The following CSTF3 variants were observed in gnomAD, a reference collection of about 807,000 sequenced individuals.
CSTF3 encodes CF-1 77 kDa subunit.
CSTF3 carries 29 observed loss-of-function variants against 105.8 expected under a neutral mutation model. The ratio of observed to expected loss-of-function variants is 0.27; its 90% CI spans 0.20 to 0.37. CSTF3 has a LOEUF of 0.37. Ranked by LOEUF, CSTF3 falls within the 10% of genes least tolerant of loss-of-function variation. The pLI is 1.00. For missense variants in CSTF3, 357 were observed against 879.3 expected (o/e 0.41, Z 7.51); for synonymous variants, 252 against 281.9 (o/e 0.89, Z 1.06).
chr11:33,085,633 GT>G, intron 20 of CSTF3, 79 bp downstream of exon 20: 1 of 1,297,298 alleles, frequency 7.7e-7, no homozygotes, highest in South Asian at 1.2e-5. Flanking sequence ...GAAAACTTCA[GT>G]GGCAGAGAAT....
At chr11:33,089,678 G>A (rs971335782) in intron 17 of CSTF3, among the ~76,000 whole-genome samples, 30 of 152,312 alleles carry the variant, frequency 2.0e-4, no homozygotes, top group African/African-American at 7.0e-4. Context: ...TCAATTATGG[G>A]TAGTTTTTTC....
At chr11:33,089,439 T>C (rs1434919579) in intron 17 of CSTF3, among the ~76,000 whole-genome samples, 1 of 152,216 alleles carries the variant, frequency 6.6e-6, no homozygotes, top group Non-Finnish European at 1.5e-5. Context: ...AAAAAGTTAT[T>C]TGAGGACCCG....
chr11:33,091,643 A>C (rs921597483), intron 16 of CSTF3, among the ~76,000 whole-genome samples: 2 of 152,168 alleles, frequency 1.3e-5, no homozygotes, highest in Non-Finnish European at 2.9e-5. Flanking sequence ...TGAGTAAGGG[A>C]GGTGAAAATT....
chr11:33,139,234 T>C (rs1052450657), intron 3 of CSTF3, among the ~76,000 whole-genome samples: 6 of 151,882 alleles, frequency 4.0e-5, no homozygotes, highest in Non-Finnish European at 2.9e-5. Context: ...TTACTAAAGA[T>C]GTATGTATTT....
chr11:33,125,978 TA>T (rs1366245866), intron 3 of CSTF3, among the ~76,000 whole-genome samples: 2 of 152,206 alleles, frequency 1.3e-5, no homozygotes, highest in African/African-American at 4.8e-5. Flanking sequence ...GTGAGAGAGC[TA>T]ATCTGAGTAA....
At chr11:33,148,384 C>T (rs978707747) in intron 1 of CSTF3, among the ~76,000 whole-genome samples, 5 of 152,176 alleles carry the variant, frequency 3.3e-5, no homozygotes, top group African/African-American at 7.2e-5. Context: ...GTAATTCTAA[C>T]GTATAGCAGT....
intron 3 of CSTF3, among the ~76,000 whole-genome samples, chr11:33,140,580 T>C (rs1855700063): frequency 6.6e-6 from 1 of 152,058 alleles, no homozygotes; most frequent in Non-Finnish European, 1.5e-5. Flanking sequence ...GTTGGGTCCA[T>C]TCTGAGGACA....
At chr11:33,092,183 A>T in intron 16 of CSTF3, 88 bp downstream of exon 16, 1 of 802,636 alleles carries the variant, frequency 1.2e-6, no homozygotes, top group Non-Finnish European at 1.9e-6. Flanking sequence ...TGAAACTCAT[A>T]CTCAAGCAAA....
At chr11:33,089,960 T>A (rs765865096) in intron 17 of CSTF3, among the ~76,000 whole-genome samples, 2 of 152,198 alleles carry the variant, frequency 1.3e-5, no homozygotes, top group African/African-American at 2.4e-5. Flanking sequence ...GGTGCCAGAT[T>A]TGTTTTCTTA....
chr11:33,154,340 A>G (rs1324345798), intron 1 of CSTF3, among the ~76,000 whole-genome samples: 1 of 152,224 alleles, frequency 6.6e-6, no homozygotes, highest in Non-Finnish European at 1.5e-5. Context: ...ATTAAAAATA[A>G]GGTGGCAACA....
At chr11:33,118,965 A>G (rs189045825) in intron 3 of CSTF3, among the ~76,000 whole-genome samples, 62 of 151,964 alleles carry the variant, frequency 4.1e-4, no homozygotes, top group Non-Finnish European at 8.1e-4. Context: ...CTTCTCTAGT[A>G]TTACTACAGG....
chr11:33,118,033 A>G (rs1185537846), intron 3 of CSTF3, among the ~76,000 whole-genome samples: 3 of 151,818 alleles, frequency 2.0e-5, no homozygotes, highest in Non-Finnish European at 4.4e-5. Flanking sequence ...TTTTTAAAAA[A>G]TAACTCAACA....
chr11:33,094,355 A>G lies in CSTF3; in HGVS notation c.1375+1951T>C, dbSNP rs141073673. ...CTATGCTACAGTGAAACATCAAATG[A>G]TGATGCAATTATATTTACACATTGG... On this transcript the variant is annotated intron_variant, in intron 15 of 20. Transcript: ENST00000323959. 7.2e-4 allele frequency among the ~76,000 whole-genome samples: 110 copies of G among 152,316 alleles called. 3 individuals carry two copies. The East Asian group carries it at 0.02, about 27-fold the overall frequency.
intron 8 of CSTF3, among the ~76,000 whole-genome samples, chr11:33,104,574 C>G (rs1250596390): frequency 6.6e-6 from 1 of 151,996 alleles, no homozygotes; most frequent in Non-Finnish European, 1.5e-5. Flanking sequence ...GAGTTCAAGG[C>G]CAGCCTGAGC....
At position 33,096,363 on chromosome 11, in the gene CSTF3, AT is replaced by A; in HGVS notation, c.1317del (p.Lys439AsnfsTer33). On this transcript the variant is annotated frameshift_variant, in exon 15 of 21. Coordinates refer to ENST00000323959, the MANE Select transcript of CSTF3 (RefSeq NM_001326.3). LOFTEE classifies it high-confidence loss of function. Reference sequence around the variant, plus strand: ...AGGACATACTCTGGAATGTCTCCATATTTTTTTAGCCCCAGCTCAAAAATCT... The same window carrying A: ...AGGACATACTCTGGAATGTCTCCATATTTTTTAGCCCCAGCTCAAAAATCT... Reference protein sequence around the residue: ...AFKIFELGLKKYGDIPEYVLA... With the variant: ...AFKIFELGLKXYGDIPEYVLA... The A allele has an allele frequency of 1.2e-5, 19 of 1,602,958 alleles. No individual in the cohort carries two copies. Among genetic ancestry groups the A allele is most frequent in the Admixed American group, 1.1e-4 (6 of 56,110 alleles).
At chr11:33,120,837 A>C (rs1308093993) in intron 3 of CSTF3, among the ~76,000 whole-genome samples, 1 of 151,978 alleles carries the variant, frequency 6.6e-6, no homozygotes, top group African/African-American at 2.4e-5. Context: ...AAAAATGTAA[A>C]TGTATAACTT....
At chr11:33,159,370 C>T (rs952006704) in intron 1 of CSTF3, among the ~76,000 whole-genome samples, 1 of 151,764 alleles carries the variant, frequency 6.6e-6, no homozygotes, top group Non-Finnish European at 1.5e-5. Context: ...CAGAGGTAGG[C>T]GGATCACTTG....
chr11:33,112,649 T>C (rs554945632), intron 3 of CSTF3, among the ~76,000 whole-genome samples: 2 of 152,332 alleles, frequency 1.3e-5, no homozygotes, highest in South Asian at 4.1e-4. Context: ...AGCACACCAA[T>C]ACCCTGTCTT....
intron 17 of CSTF3, among the ~76,000 whole-genome samples, chr11:33,087,982 G>C (rs1855124888): frequency 6.6e-6 from 1 of 152,062 alleles, no homozygotes; most frequent in African/African-American, 2.4e-5. Flanking sequence ...GTGTTACTCT[G>C]TCTGTCTAGA....
Sources: gnomAD v4.1 joint callset for allele counts (sites outside exome capture counted in the v4.1 genomes callset) on GRCh38, gnomAD v4.1.1 for gene constraint, MANE v1.5 for transcripts, NCBI Gene and HGNC (gene_info 2026-07-23, HGNC 2026-07-21) for gene names.